JARID2: variants seen among roughly 807,000 people sequenced by gnomAD.
JARID2 encodes protein Jumonji.
JARID2 carries 21 observed loss-of-function variants against 125.6 expected under a neutral mutation model. That is an observed-to-expected ratio of 0.17 (90% confidence interval 0.12 to 0.24). The LOEUF (loss-of-function observed/expected upper bound fraction) is 0.24, where lower values mean the gene tolerates loss of function less well. Ranked by LOEUF, JARID2 falls within the 10% of genes least tolerant of loss-of-function variation. JARID2 has a pLI of 1.00. For synonymous variants in JARID2, 736 were observed against 661.6 expected (o/e 1.11, Z -1.73); for missense variants, 1,303 against 1,639.6 (o/e 0.79, Z 3.55).
intron 1 of JARID2, among the ~76,000 whole-genome samples, chr6:15,348,840 T>G (rs1462742296): frequency 6.6e-6 from 1 of 152,218 alleles, no homozygotes; most frequent in Non-Finnish European, 1.5e-5. Flanking sequence ...GTTGCTATTT[T>G]CTACCTCTTT....
Position 15,512,454 on chromosome 6 carries a change from G to A in JARID2, c.3135+64G>A, listed in dbSNP as rs78332735. 8.3e-5 allele frequency: 119 copies of A among 1,433,588 alleles called. 1 individual carries two copies. In the East Asian group the frequency reaches 2.1e-3, roughly 25 times the overall value. 88.8% of individuals were successfully genotyped at this position (1,433,588 alleles called of 1,614,324 possible). The stretch of plus-strand genomic sequence containing the variant: ...ATCCCTGTGAGTGCCGTGCGTGAGC[G>A]CACACAGAAGCATCCCTGCGTGTGC... On this transcript the variant is annotated intron_variant, in intron 14 of 17. Transcript: ENST00000341776.
Position 15,278,062 on chromosome 6 carries a change from A to G in JARID2, c.45+31478A>G, listed in dbSNP as rs554717927. Among the ~76,000 whole-genome samples the G allele has an allele frequency of 3.9e-5, 6 of 151,914 alleles. No homozygotes were observed. In the East Asian group the frequency reaches 1.2e-3, roughly 30 times the overall value. ...CAGGAGTTTGAGATCAGCCTGGCCA[A>G]CATGGTGAAACCCTGTCTCTACTAA... is the stretch of plus-strand genomic sequence containing the variant. On this transcript the variant is annotated intron_variant, in intron 1 of 17. Coordinates refer to ENST00000341776, the MANE Select transcript of JARID2 (RefSeq NM_004973.4).
intron 1 of JARID2, among the ~76,000 whole-genome samples, chr6:15,340,276 A>G (rs1267638480): frequency 6.6e-6 from 1 of 152,208 alleles, no homozygotes; most frequent in Non-Finnish European, 1.5e-5. Context: ...ACCTTCTTTC[A>G]TTCTTACTTT....
At chr6:15,467,686 A>C (rs777234886) in intron 4 of JARID2, among the ~76,000 whole-genome samples, 6 of 152,118 alleles carry the variant, frequency 3.9e-5, no homozygotes, top group Non-Finnish European at 8.8e-5. Flanking sequence ...CCCACAAAAA[A>C]TTAGCTGGGT....
At chr6:15,434,107 G>T (rs903258938) in intron 3 of JARID2, among the ~76,000 whole-genome samples, 2 of 151,680 alleles carry the variant, frequency 1.3e-5, no homozygotes, top group African/African-American at 4.8e-5. Flanking sequence ...ACCTCCGTAA[G>T]TCTGTCTCCA....
intron 1 of JARID2, among the ~76,000 whole-genome samples, chr6:15,359,946 C>T (rs2127493737): frequency 6.6e-6 from 1 of 152,190 alleles, no homozygotes; most frequent in Admixed American, 6.5e-5. Flanking sequence ...CTCGGCCTTC[C>T]AAAGTTTTGG....
At chr6:15,437,352 A>G (rs1767251791) in intron 3 of JARID2, among the ~76,000 whole-genome samples, 1 of 152,136 alleles carries the variant, frequency 6.6e-6, no homozygotes. Flanking sequence ...CCATTCCCTA[A>G]GGTCTGTCCC....
intron 16 of JARID2, among the ~76,000 whole-genome samples, chr6:15,513,891 A>G (rs1053382206): frequency 1.3e-5 from 2 of 152,188 alleles, no homozygotes; most frequent in Non-Finnish European, 2.9e-5. Flanking sequence ...CTGCTCAGCT[A>G]CATGATCTGC....
intron 5 of JARID2, among the ~76,000 whole-genome samples, chr6:15,479,195 G>A (rs987600355): frequency 1.3e-5 from 2 of 152,102 alleles, no homozygotes; most frequent in African/African-American, 4.8e-5. Context: ...AGTGACTGAT[G>A]CCCACACAGG....
chr6:15,496,098 G>C, intron 6 of JARID2, 34 bp from the exon 7 acceptor site: 3 of 1,562,256 alleles, frequency 1.9e-6, no homozygotes, highest in Non-Finnish European at 2.6e-6. Flanking sequence ...CTAATTCTGC[G>C]TTTTTTTCCA....
intron 14 of JARID2, among the ~76,000 whole-genome samples, chr6:15,512,667 A>G (rs1226077073): frequency 1.3e-5 from 2 of 152,134 alleles, no homozygotes; most frequent in Non-Finnish European, 2.9e-5. Flanking sequence ...AATTGCTTAG[A>G]ATGGACAGAG....
chr6:15,295,127 T>C lies in JARID2; in HGVS notation c.45+48543T>C, dbSNP rs6940703. ...TCATTTCTTTTTTTTTTCTTTCTTT[T>C]TTTTTTTTTTTTGAGACGGAGTCTT... On this transcript the variant is annotated intron_variant, in intron 1 of 17. Transcript: ENST00000341776. Among the ~76,000 whole-genome samples, 1,044 of 147,326 alleles carry C rather than the reference T, an allele frequency of 7.1e-3. 17 individuals are homozygous for C. Among genetic ancestry groups the C allele is most frequent in the African/African-American group, 0.024 (962 of 40,148 alleles).
intron 1 of JARID2, among the ~76,000 whole-genome samples, chr6:15,369,088 T>C (rs1315317155): frequency 2.0e-5 from 3 of 152,210 alleles, no homozygotes; most frequent in African/African-American, 7.2e-5. Context: ...TGTTGTCTGA[T>C]AAAAGGCATG....
intron 5 of JARID2, among the ~76,000 whole-genome samples, chr6:15,483,854 C>T (rs907364841): frequency 1.1e-4 from 16 of 152,192 alleles, no homozygotes; most frequent in Admixed American, 3.9e-4. Context: ...TTTGCATTTC[C>T]GCCAGTAGTG....
rs537286538 is a variant in JARID2 at position 15,517,057 on chromosome 6, G to T, written c.3451-104G>T. On this transcript the variant is annotated intron_variant, in intron 16 of 17. Coordinates refer to ENST00000341776, the MANE Select transcript of JARID2 (RefSeq NM_004973.4). ...GGGTGCTGGGGCTACTCTGGCGCGG[G>T]CAGTGGGTGTGGTGGCTGCCCGGCC... 1.8e-4 allele frequency: 143 copies of T among 777,104 alleles called. 1 individual carries two copies. In the South Asian group the frequency reaches 2.0e-3, roughly 11 times the overall value. 48.1% of individuals were successfully genotyped at this position (777,104 alleles called of 1,614,324 possible).
intron 2 of JARID2, among the ~76,000 whole-genome samples, chr6:15,392,294 T>C (rs1765050300): frequency 6.6e-6 from 1 of 152,172 alleles, no homozygotes; most frequent in African/African-American, 2.4e-5. Flanking sequence ...CTGGGGCTCT[T>C]TAACAGTTCC....
intron 1 of JARID2, among the ~76,000 whole-genome samples, chr6:15,303,452 C>A (rs1761703938): frequency 6.6e-6 from 1 of 152,246 alleles, no homozygotes; most frequent in Admixed American, 6.5e-5. Flanking sequence ...CTTATTGCCT[C>A]TCATGCAAAG....
intron 1 of JARID2, among the ~76,000 whole-genome samples, chr6:15,250,807 T>C (rs1759416675): frequency 6.6e-6 from 1 of 152,172 alleles, no homozygotes; most frequent in Non-Finnish European, 1.5e-5. Context: ...TCCAAGTGCC[T>C]TGGAAATAAC....
At chr6:15,282,302 C>T (rs1484908293) in intron 1 of JARID2, among the ~76,000 whole-genome samples, 2 of 152,148 alleles carry the variant, frequency 1.3e-5, no homozygotes, top group South Asian at 2.1e-4. Flanking sequence ...CCAATCTACA[C>T]ACCCACTAAC....
Sources: allele counts gnomAD v4.1 joint callset (sites outside exome capture counted in the v4.1 genomes callset), GRCh38; gene constraint gnomAD v4.1.1; transcripts MANE v1.5; gene names NCBI Gene and HGNC (gene_info 2026-07-23, HGNC 2026-07-21).